The following SETBP1 variants were observed in gnomAD, a reference collection of about 807,000 sequenced individuals.
The protein encoded by SETBP1 is SET-binding protein.
SETBP1 carries 9 observed loss-of-function variants against 101.0 expected under a neutral mutation model. The observed-to-expected ratio is 0.09, with a 90% confidence interval of 0.05 to 0.16. The LOEUF (loss-of-function observed/expected upper bound fraction) is 0.16, where lower values mean the gene tolerates loss of function less well. SETBP1 is among the 10% of genes least tolerant of loss of function. The pLI, the probability that SETBP1 is intolerant of heterozygous loss-of-function variation, is 1.00. For missense variants in SETBP1, 1,858 were observed against 2,033.8 expected (o/e 0.91, Z 1.66); for synonymous variants, 818 against 788.5 (o/e 1.04, Z -0.63).
chr18:44,969,080 A>G (rs1308797105), intron 4 of SETBP1, among the ~76,000 whole-genome samples: 2 of 152,232 alleles, frequency 1.3e-5, no homozygotes, highest in African/African-American at 4.8e-5. Flanking sequence ...ACCAACCACC[A>G]AAATTCTAGT....
chr18:44,777,507 C>T (rs890177981), intron 2 of SETBP1, among the ~76,000 whole-genome samples: 4 of 152,130 alleles, frequency 2.6e-5, no homozygotes, highest in Admixed American at 6.5e-5. Flanking sequence ...GGCACCATTC[C>T]GCGTATGTCC....
intron 2 of SETBP1, among the ~76,000 whole-genome samples, chr18:44,764,951 T>G (rs891223700): frequency 6.6e-6 from 1 of 152,138 alleles, no homozygotes; most frequent in Non-Finnish European, 1.5e-5. Flanking sequence ...TGGCACAGAG[T>G]GCATGTTCAA....
intron 3 of SETBP1, among the ~76,000 whole-genome samples, chr18:44,933,607 A>G (rs1462703333): frequency 6.6e-6 from 1 of 152,064 alleles, no homozygotes; most frequent in African/African-American, 2.4e-5. Context: ...ACCCAGTTCG[A>G]GCTTCCTGGA....
intron 5 of SETBP1, among the ~76,000 whole-genome samples, chr18:45,042,392 C>T (rs576682670): frequency 6.6e-6 from 1 of 152,094 alleles, no homozygotes; most frequent in Non-Finnish European, 1.5e-5. Context: ...TCAGGTGATC[C>T]GCCCACTTCG....
chr18:44,976,676 T>C (rs2071995592), intron 4 of SETBP1, among the ~76,000 whole-genome samples: 1 of 152,228 alleles, frequency 6.6e-6, no homozygotes, highest in East Asian at 1.9e-4. Context: ...ATTCCCAGAC[T>C]TGGATCCCAG....
chr18:44,730,168 T>C (rs1395453794), intron 2 of SETBP1, among the ~76,000 whole-genome samples: 1 of 152,216 alleles, frequency 6.6e-6, no homozygotes, highest in African/African-American at 2.4e-5. Context: ...CGACTTGCTT[T>C]ATTCTGTTTG....
intron 2 of SETBP1, among the ~76,000 whole-genome samples, chr18:44,861,366 G>A (rs1049611337): frequency 1.3e-5 from 2 of 149,872 alleles, no homozygotes; most frequent in Non-Finnish European, 1.5e-5. Context: ...AGCCTCCCGA[G>A]TAGCTGGAAC....
chr18:44,852,408 C>T (rs2072889042), intron 2 of SETBP1, among the ~76,000 whole-genome samples: 3 of 152,320 alleles, frequency 2.0e-5, no homozygotes, highest in Admixed American at 1.3e-4. Context: ...TTGGTCCGTC[C>T]GTATTCCCAT....
chr18:44,682,430 G>C (rs1211867590), intron 1 of SETBP1, among the ~76,000 whole-genome samples: 2 of 152,186 alleles, frequency 1.3e-5, no homozygotes, highest in Admixed American at 1.3e-4. Context: ...GGAGGAGAAA[G>C]TTTGTAGCAC....
intron 3 of SETBP1, among the ~76,000 whole-genome samples, chr18:44,890,000 T>C (rs192291930): frequency 2.6e-5 from 4 of 152,206 alleles, no homozygotes; most frequent in African/African-American, 9.6e-5. Flanking sequence ...TACGACATGA[T>C]GTTTTGATAT....
At chr18:44,846,647 G>A (rs1435079457) in intron 2 of SETBP1, among the ~76,000 whole-genome samples, 2 of 152,204 alleles carry the variant, frequency 1.3e-5, no homozygotes, top group Admixed American at 6.5e-5. Flanking sequence ...CCTGCACATG[G>A]ATGACCCATT....
chr18:44,921,781 G>A (rs548973875), intron 3 of SETBP1, among the ~76,000 whole-genome samples: 49 of 152,240 alleles, frequency 3.2e-4, no homozygotes, highest in African/African-American at 1.1e-3. Flanking sequence ...GGGGCCCAGG[G>A]GACGGAGGGA....
At chr18:44,913,207 T>G (rs2070352416) in intron 3 of SETBP1, among the ~76,000 whole-genome samples, 1 of 152,234 alleles carries the variant, frequency 6.6e-6, no homozygotes, top group Admixed American at 6.5e-5. Context: ...AAGTTCAGCT[T>G]CCCATACGCC....
chr18:45,050,203 T>C (rs2073698908), intron 5 of SETBP1, among the ~76,000 whole-genome samples: 1 of 152,208 alleles, frequency 6.6e-6, no homozygotes, highest in Non-Finnish European at 1.5e-5. Flanking sequence ...TTGCCTTCAT[T>C]TGAGGGCAAG....
At chr18:44,753,772 G>A (rs1024162714) in intron 2 of SETBP1, among the ~76,000 whole-genome samples, 1 of 152,208 alleles carries the variant, frequency 6.6e-6, no homozygotes, top group Non-Finnish European at 1.5e-5. Flanking sequence ...GTGGACCAGT[G>A]ACAGCAGGGT....
intron 5 of SETBP1, among the ~76,000 whole-genome samples, chr18:45,041,909 A>T (rs1328374642): frequency 2.6e-5 from 4 of 151,946 alleles, no homozygotes; most frequent in African/African-American, 9.7e-5. Context: ...GTGAGCCGAG[A>T]TTGCACCACT....
At chr18:44,680,878 T>C (rs2068749548), upstream of SETBP1, 1 of 151,018 alleles carries the variant, frequency 6.6e-6, no homozygotes, top group Non-Finnish European at 1.5e-5. Flanking sequence ...GATTTTTTTT[T>C]TCTCTCTTTG....
intron 4 of SETBP1, among the ~76,000 whole-genome samples, chr18:44,990,283 A>G (rs1429718852): frequency 6.6e-6 from 1 of 152,180 alleles, no homozygotes; most frequent in Non-Finnish European, 1.5e-5. Context: ...AAAAATGTGG[A>G]TAAACTTATA....
rs528433329 is a variant in SETBP1, at chr18:44,720,219, G to A, written c.486+18387G>A. Among the ~76,000 whole-genome samples, 7 of 152,190 alleles carry A rather than the reference G, an allele frequency of 4.6e-5. No individual in the cohort carries two copies. The South Asian group carries it at 1.5e-3, about 32-fold the overall frequency. On this transcript the variant is annotated intron_variant, in intron 2 of 5. Transcript: ENST00000649279. ...TCCTCACCTGCCTCTTGTTCTCAGAGGTCACCTCTTGAAATGAAGGCCATG... is the reference window on the plus strand; with the variant it reads ...TCCTCACCTGCCTCTTGTTCTCAGAAGTCACCTCTTGAAATGAAGGCCATG...
Sources: allele counts gnomAD v4.1 joint callset (sites outside exome capture counted in the v4.1 genomes callset), GRCh38; gene constraint gnomAD v4.1.1; transcripts MANE v1.5; gene names NCBI Gene and HGNC (gene_info 2026-07-23, HGNC 2026-07-21).